RAD51B: variants seen among roughly 807,000 people sequenced by gnomAD.
RAD51B encodes the protein DNA repair protein RAD51 homolog 2.
A neutral mutation model predicts 42.2 loss-of-function variants in RAD51B; 38 were observed. The ratio of observed to expected loss-of-function variants is 0.90; its 90% CI spans 0.70 to 1.18. The LOEUF is 1.18. RAD51B is among the 50% of genes most tolerant of loss of function. RAD51B has a pLI of 0.00. For synonymous variants in RAD51B, 154 were observed against 145.2 expected (o/e 1.06, Z -0.43); for missense variants, 373 against 400.7 (o/e 0.93, Z 0.59).
chr14:67,961,523 TA>T (rs2074667007), intron 7 of RAD51B, among the ~76,000 whole-genome samples: 1 of 152,154 alleles, frequency 6.6e-6, no homozygotes, highest in Admixed American at 6.5e-5. Flanking sequence ...ACCATACACA[TA>T]GCTTGAGGAA....
At chr14:67,977,848 A>G (rs1303782124) in intron 7 of RAD51B, among the ~76,000 whole-genome samples, 10 of 152,234 alleles carry the variant, frequency 6.6e-5, no homozygotes, top group African/African-American at 2.4e-4. Context: ...CATGGGAAAT[A>G]AAGCTCCAGT....
intron 9 of RAD51B, among the ~76,000 whole-genome samples, chr14:68,446,340 C>T (rs1486117152): frequency 6.6e-6 from 1 of 152,176 alleles, no homozygotes; most frequent in Admixed American, 6.5e-5. Flanking sequence ...GCCTCATAAA[C>T]AATGTGATAG....
intron 7 of RAD51B, among the ~76,000 whole-genome samples, chr14:67,926,029 G>A (rs192965001): frequency 1.6e-4 from 25 of 152,282 alleles, no homozygotes; most frequent in Admixed American, 2.6e-4. Flanking sequence ...CCTGGCCTGC[G>A]GTAGGAGGGG....
At chr14:68,350,636 A>G (rs1365255930) in intron 8 of RAD51B, among the ~76,000 whole-genome samples, 1 of 152,254 alleles carries the variant, frequency 6.6e-6, no homozygotes, top group Non-Finnish European at 1.5e-5. Flanking sequence ...TGGATAAATG[A>G]AAACAAGTTT....
intron 7 of RAD51B, among the ~76,000 whole-genome samples, chr14:67,945,947 A>G (rs1325328467): frequency 6.6e-6 from 1 of 152,198 alleles, no homozygotes; most frequent in Non-Finnish European, 1.5e-5. Flanking sequence ...AGTGGTTGTA[A>G]CTAGACTTTA....
intron 9 of RAD51B, among the ~76,000 whole-genome samples, chr14:68,422,532 C>G (rs1483660885): frequency 7.2e-6 from 1 of 139,492 alleles, no homozygotes; most frequent in Non-Finnish European, 1.5e-5. Flanking sequence ...TGCACTCCAG[C>G]CTGGGTGACA....
At chr14:68,508,201 A>G (rs1271712590) in intron 10 of RAD51B, among the ~76,000 whole-genome samples, 3 of 152,096 alleles carry the variant, frequency 2.0e-5, no homozygotes, top group African/African-American at 7.2e-5. Context: ...AGTTTGCTTT[A>G]TACTTGGTCC....
chr14:68,008,870 C>G (rs544883563), intron 7 of RAD51B, among the ~76,000 whole-genome samples: 3 of 151,716 alleles, frequency 2.0e-5, no homozygotes, highest in Non-Finnish European at 2.9e-5. Context: ...TTGTTTTTTC[C>G]TCCCTCATTG....
chr14:68,405,256 C>T (rs2084233598), intron 8 of RAD51B, among the ~76,000 whole-genome samples: 1 of 152,158 alleles, frequency 6.6e-6, no homozygotes, highest in Non-Finnish European at 1.5e-5. Context: ...CCTTGGGCAA[C>T]ATAGTGAGAC....
intron 10 of RAD51B, chr14:68,562,094 C>T (rs1443103251): frequency 1.0e-6 from 1 of 985,266 alleles, no homozygotes; most frequent in Non-Finnish European, 1.2e-6. Context: ...TCCTAGAAAG[C>T]TTTTGGTTTG....
At chr14:68,243,752 G>A (rs960500447) in intron 7 of RAD51B, among the ~76,000 whole-genome samples, 15 of 152,242 alleles carry the variant, frequency 9.9e-5, no homozygotes, top group African/African-American at 2.4e-4. Flanking sequence ...CTGGGTTACC[G>A]TGTTGATCTG....
intron 8 of RAD51B, among the ~76,000 whole-genome samples, chr14:68,364,983 G>C (rs986422851): frequency 6.6e-6 from 1 of 152,200 alleles, no homozygotes; most frequent in Non-Finnish European, 1.5e-5. Flanking sequence ...CCATGTCTGG[G>C]TGCTGGCTTC....
chr14:67,821,928 G>A (rs1175735415), intron 1 of RAD51B, among the ~76,000 whole-genome samples: 3 of 152,092 alleles, frequency 2.0e-5, no homozygotes, highest in Non-Finnish European at 4.4e-5. Context: ...AAATTCCCAT[G>A]GAGAGAAATG....
chr14:68,469,229 A>G, intron 10 of RAD51B: 1 of 341,322 alleles, frequency 2.9e-6, no homozygotes, highest in Non-Finnish European at 6.5e-6. Context: ...AGGTTTATGA[A>G]ACAGGGCAGT....
chr14:68,644,793 C>T (rs1343316652), intron 10 of RAD51B, among the ~76,000 whole-genome samples: 1 of 151,936 alleles, frequency 6.6e-6, no homozygotes, highest in East Asian at 1.9e-4. Flanking sequence ...AAGTCTTATA[C>T]ACTCATCATA....
intron 7 of RAD51B, among the ~76,000 whole-genome samples, chr14:68,119,073 T>A (rs2077598461): frequency 6.6e-6 from 1 of 151,870 alleles, no homozygotes; most frequent in Non-Finnish European, 1.5e-5. Flanking sequence ...TGCTCCCACC[T>A]CAGTCTCCCC....
chr14:68,665,925 T>C (rs912905302), intron 11 of RAD51B, among the ~76,000 whole-genome samples: 4 of 152,206 alleles, frequency 2.6e-5, no homozygotes, highest in African/African-American at 9.6e-5. Flanking sequence ...GAGCATTAGA[T>C]TCTCTTGGGC....
intron 9 of RAD51B, among the ~76,000 whole-genome samples, chr14:68,412,899 T>G (rs1019109912): frequency 1.4e-4 from 22 of 152,246 alleles, no homozygotes; most frequent in Admixed American, 7.8e-4. Context: ...AACACACCTA[T>G]GTAAACTTTA....
At chr14:68,571,678 T>C (rs1441120164) in intron 10 of RAD51B, among the ~76,000 whole-genome samples, 1 of 152,234 alleles carries the variant, frequency 6.6e-6, no homozygotes, top group Non-Finnish European at 1.5e-5. Flanking sequence ...GGGAACATGT[T>C]TATAGGCTTC....
Sources: allele counts gnomAD v4.1 joint callset (sites outside exome capture counted in the v4.1 genomes callset), GRCh38; gene constraint gnomAD v4.1.1; transcripts MANE v1.5; gene names NCBI Gene and HGNC (gene_info 2026-07-23, HGNC 2026-07-21).